Variants in GRM5 observed in about 807,000 individuals in gnomAD.
GRM5 encodes the protein metabotropic glutamate receptor 5.
Under a neutral mutation model 83.1 loss-of-function variants are expected in GRM5, and 19 were observed. The ratio of observed to expected loss-of-function variants is 0.23; its 90% CI spans 0.16 to 0.34. GRM5 has a LOEUF of 0.34. Ranked by LOEUF, GRM5 falls within the 10% of genes least tolerant of loss-of-function variation. GRM5 has a pLI of 1.00. For missense variants in GRM5, 1,160 were observed against 1,588.3 expected (o/e 0.73, Z 4.58); for synonymous variants, 675 against 633.6 (o/e 1.07, Z -0.98).
intron 4 of GRM5, among the ~76,000 whole-genome samples, chr11:88,623,471 A>G (rs577251888): frequency 2.6e-5 from 4 of 152,152 alleles, no homozygotes; most frequent in Non-Finnish European, 4.4e-5. Flanking sequence ...ATTAAGCTAT[A>G]GAAATCTTCA....
At chr11:89,010,565 A>G (rs2135088850) in intron 2 of GRM5, among the ~76,000 whole-genome samples, 1 of 152,212 alleles carries the variant, frequency 6.6e-6, no homozygotes, top group African/African-American at 2.4e-5. Context: ...CAGAATTGTT[A>G]AAATGATATA....
intron 2 of GRM5, among the ~76,000 whole-genome samples, chr11:88,906,805 T>C (rs148580063): frequency 0.017 from 2,625 of 152,290 alleles, 68 homozygotes; most frequent in African/African-American, 0.058. Context: ...GGAAACTCCA[T>C]TGAGCCATTA....
At chr11:88,980,794 G>C (rs1422825139) in intron 2 of GRM5, among the ~76,000 whole-genome samples, 3 of 152,058 alleles carry the variant, frequency 2.0e-5, no homozygotes, top group African/African-American at 4.8e-5. Flanking sequence ...CTGCACTCCA[G>C]CCTGGGCAAC....
At chr11:88,631,507 T>A (rs1371290136) in intron 4 of GRM5, among the ~76,000 whole-genome samples, 2 of 152,198 alleles carry the variant, frequency 1.3e-5, no homozygotes, top group African/African-American at 4.8e-5. Flanking sequence ...TTTCATAGGA[T>A]CTTTACCTAT....
At chr11:89,025,610 A>G (rs1173689476) in intron 2 of GRM5, among the ~76,000 whole-genome samples, 1 of 152,196 alleles carries the variant, frequency 6.6e-6, no homozygotes. Flanking sequence ...GCAAAAATCA[A>G]TCTCAATTTT....
chr11:88,685,127 T>C (rs1241389195), intron 3 of GRM5, among the ~76,000 whole-genome samples: 1 of 152,190 alleles, frequency 6.6e-6, no homozygotes, highest in African/African-American at 2.4e-5. Context: ...ACTTGCTGAA[T>C]GGCTTTGACC....
Position 88,608,682 on chromosome 11 carries a change from G to T in GRM5, c.1148-3718C>A, listed in dbSNP as rs773609345. On this transcript the variant is annotated intron_variant, in intron 4 of 9. Coordinates refer to ENST00000305447, the MANE Select transcript of GRM5 (RefSeq NM_001143831.3). ...TACAGGAACCTGCCACCATGCCCGG[G>T]TACATTTTTTTGTATTTTTAGTAGA... 3.9e-4 allele frequency among the ~76,000 whole-genome samples: 59 copies of T among 151,510 alleles called. No individual in the cohort carries two copies. The Middle Eastern group carries it at 0.01, about 26-fold the overall frequency.
At chr11:88,517,117 A>G (rs531194431) in intron 9 of GRM5, among the ~76,000 whole-genome samples, 6 of 132,938 alleles carry the variant, frequency 4.5e-5, no homozygotes, top group Non-Finnish European at 8.0e-5. Context: ...ATTGTAATAT[A>G]TTGGCTTCTG....
intron 2 of GRM5, among the ~76,000 whole-genome samples, chr11:88,873,241 G>T (rs1196230279): frequency 6.6e-6 from 1 of 151,510 alleles, no homozygotes; most frequent in South Asian, 2.1e-4. Flanking sequence ...GAAAGAGATT[G>T]CACTGCAGTA....
intron 9 of GRM5, 86 bp from the exon 10 acceptor site, chr11:88,509,590 G>T (rs947361861): frequency 4.5e-5 from 41 of 902,362 alleles, no homozygotes; most frequent in Admixed American, 2.6e-4. Context: ...TTGCTCATGG[G>T]CCCCGGACTG....
At chr11:88,827,340 T>C (rs563329450) in intron 3 of GRM5, among the ~76,000 whole-genome samples, 4 of 152,316 alleles carry the variant, frequency 2.6e-5, no homozygotes, top group African/African-American at 9.6e-5. Context: ...TCTGGATGTC[T>C]AGTCACACAT....
chr11:88,729,311 A>G (rs971692592), intron 3 of GRM5, among the ~76,000 whole-genome samples: 2 of 152,088 alleles, frequency 1.3e-5, no homozygotes, highest in African/African-American at 2.4e-5. Flanking sequence ...TAGGAATCCA[A>G]CTTAGAAGGG....
intron 2 of GRM5, among the ~76,000 whole-genome samples, chr11:89,018,400 A>G (rs1565337631): frequency 6.6e-6 from 1 of 152,346 alleles, no homozygotes; most frequent in East Asian, 1.9e-4. Flanking sequence ...TTTCAACATC[A>G]TATCAGTACA....
chr11:88,557,874 G>GT (rs1037387049), intron 8 of GRM5, among the ~76,000 whole-genome samples: 1 of 151,694 alleles, frequency 6.6e-6, no homozygotes, highest in Non-Finnish European at 1.5e-5. Context: ...CCTACATTAG[G>GT]TATTTCTCCT....
chr11:88,635,744 CA>C (rs530525585), intron 4 of GRM5, among the ~76,000 whole-genome samples: 3 of 152,036 alleles, frequency 2.0e-5, no homozygotes, highest in African/African-American at 7.2e-5. Context: ...TCATACCCCC[CA>C]AAAAATCATC....
chr11:88,640,789 G>A (rs1053484668), intron 4 of GRM5, among the ~76,000 whole-genome samples: 2 of 152,158 alleles, frequency 1.3e-5, no homozygotes, highest in East Asian at 3.9e-4. Context: ...TATAGGGGGA[G>A]GGGTGTGGAG....
At chr11:89,053,156 C>T (rs1230483285) in intron 1 of GRM5, among the ~76,000 whole-genome samples, 1 of 152,004 alleles carries the variant, frequency 6.6e-6, no homozygotes, top group African/African-American at 2.4e-5. Context: ...CATTAACGAG[C>T]ATTCCAGGGA....
At chr11:88,988,358 T>C (rs1244923814) in intron 2 of GRM5, among the ~76,000 whole-genome samples, 1 of 150,398 alleles carries the variant, frequency 6.6e-6, no homozygotes, top group Non-Finnish European at 1.5e-5. Flanking sequence ...TATGGGACTA[T>C]GTGAAAAGAC....
intron 7 of GRM5, among the ~76,000 whole-genome samples, chr11:88,582,322 G>A (rs1943228056): frequency 6.6e-6 from 1 of 152,082 alleles, no homozygotes; most frequent in Non-Finnish European, 1.5e-5. Flanking sequence ...TTGGTGTGTG[G>A]TTTAACTATT....
Sources: allele counts gnomAD v4.1 joint callset (sites outside exome capture counted in the v4.1 genomes callset), GRCh38; gene constraint gnomAD v4.1.1; transcripts MANE v1.5; gene names NCBI Gene and HGNC (gene_info 2026-07-23, HGNC 2026-07-21).